Variants in AGBL4 observed in about 807,000 individuals in gnomAD.
The protein encoded by AGBL4 is AGBL carboxypeptidase 4.
AGBL4 carries 58 observed loss-of-function variants against 66.4 expected under a neutral mutation model. That is an observed-to-expected ratio of 0.87 (90% CI 0.71 to 1.09). The LOEUF is 1.09. Among genes scored for constraint, AGBL4 ranks in the 50% least tolerant of loss-of-function variants. The pLI is 0.00. For synonymous variants in AGBL4, 234 were observed against 222.9 expected, an observed-to-expected ratio of 1.05 and a Z score of -0.44; for missense variants, 579 against 631.0, an observed-to-expected ratio of 0.92 and a Z score of 0.88.
intron 13 of AGBL4, 144 bp downstream of exon 13, chr1:48,534,746 C>T: frequency 1.2e-6 from 1 of 811,192 alleles, no homozygotes; most frequent in Non-Finnish European, 2.0e-6. Flanking sequence ...CCCCCTCCAC[C>T]AGGAAGCCTC....
intron 6 of AGBL4, among the ~76,000 whole-genome samples, chr1:48,785,342 G>C (rs1012783707): frequency 2.0e-5 from 3 of 152,134 alleles, no homozygotes; most frequent in Non-Finnish European, 4.4e-5. Context: ...GACACTTGTT[G>C]AATGAGTGCA....
In AGBL4 at chr1:49,920,379, G is replaced by C. The variant is rs7410820; in HGVS notation, c.35-68861C>G. On this transcript the variant is annotated intron_variant, in intron 1 of 13. Transcript: ENST00000371839. ...AATATCCAGAATCTATAAAGAACTC[G>C]AACAAATTTACAAGAAAAGAAATAA... Among the ~76,000 whole-genome samples, 4 of 151,948 alleles carry C rather than the reference G, an allele frequency of 2.6e-5. 1 individual carries two copies. Among genetic ancestry groups the C allele is most frequent in the Admixed American group, 1.3e-4 (2 of 15,260 alleles).
intron 1 of AGBL4, chr1:49,995,353 T>C (rs1465726078): frequency 2.2e-6 from 1 of 449,568 alleles, no homozygotes; most frequent in Non-Finnish European, 4.5e-6. Context: ...GCGTTGGAGC[T>C]GGATGAGGCC....
At chr1:49,502,998 G>A (rs545190565) in intron 3 of AGBL4, among the ~76,000 whole-genome samples, 92 of 152,220 alleles carry the variant, frequency 6.0e-4, no homozygotes, top group African/African-American at 2.2e-3. Flanking sequence ...TGGGAAAAAT[G>A]CTTCCAGGGC....
intron 6 of AGBL4, among the ~76,000 whole-genome samples, chr1:48,822,158 T>C (rs905482992): frequency 5.3e-5 from 8 of 152,192 alleles, no homozygotes; most frequent in African/African-American, 9.6e-5. Flanking sequence ...TCTTATATAA[T>C]TGATTCTGCA....
intron 6 of AGBL4, among the ~76,000 whole-genome samples, chr1:48,763,569 A>G (rs1644384624): frequency 6.6e-6 from 1 of 152,112 alleles, no homozygotes; most frequent in African/African-American, 2.4e-5. Flanking sequence ...GTGTTGGGGC[A>G]AAGCTCCTGG....
chr1:49,552,858 G>C (rs1304024789), intron 3 of AGBL4, among the ~76,000 whole-genome samples: 1 of 152,074 alleles, frequency 6.6e-6, no homozygotes, highest in Non-Finnish European at 1.5e-5. Flanking sequence ...TATACTCCTT[G>C]TTAATAAACC....
At chr1:49,708,158 G>C (rs1053305744) in intron 2 of AGBL4, among the ~76,000 whole-genome samples, 1 of 152,002 alleles carries the variant, frequency 6.6e-6, no homozygotes, top group African/African-American at 2.4e-5. Context: ...TTCCAACTTG[G>C]TTCCATTCTC....
chr1:48,820,994 A>G (rs183737640), intron 6 of AGBL4, among the ~76,000 whole-genome samples: 1 of 152,322 alleles, frequency 6.6e-6, no homozygotes, highest in African/African-American at 2.4e-5. Context: ...CAATAAACAT[A>G]TGAAAAAATG....
At chr1:48,762,656 G>GTGTATGTA (rs1553227963) in intron 6 of AGBL4, among the ~76,000 whole-genome samples, 7 of 138,738 alleles carry the variant, frequency 5.0e-5, no homozygotes, top group Non-Finnish European at 9.5e-5. Flanking sequence ...GTGTGTGTGT[G>GTGTATGTA]TGTATGTATT....
chr1:49,242,147 G>T (rs2148321985), intron 4 of AGBL4, among the ~76,000 whole-genome samples: 1 of 151,708 alleles, frequency 6.6e-6, no homozygotes. Context: ...GTTTATTTTT[G>T]TGTTTCATTC....
intron 2 of AGBL4, among the ~76,000 whole-genome samples, chr1:49,806,203 C>A (rs1464563986): frequency 1.3e-5 from 2 of 152,062 alleles, no homozygotes; most frequent in African/African-American, 4.8e-5. Flanking sequence ...TGTAAGTGGT[C>A]ATGATCAGAA....
At chr1:48,555,888 A>G (rs1470678445) in intron 11 of AGBL4, among the ~76,000 whole-genome samples, 1 of 152,210 alleles carries the variant, frequency 6.6e-6, no homozygotes, top group East Asian at 1.9e-4. Flanking sequence ...AAAAGCATCA[A>G]GAATAGCACA....
chr1:48,695,924 C>G (rs1646707100), intron 6 of AGBL4, among the ~76,000 whole-genome samples: 2 of 152,036 alleles, frequency 1.3e-5, no homozygotes, highest in African/African-American at 4.8e-5. Flanking sequence ...GTGGACTCCA[C>G]TTGACCCACT....
At chr1:49,870,892 T>TTA (rs1250661892) in intron 1 of AGBL4, among the ~76,000 whole-genome samples, 1 of 152,124 alleles carries the variant, frequency 6.6e-6, no homozygotes, top group East Asian at 1.9e-4. Flanking sequence ...CCTTTGTGCA[T>TTA]TATTGATGAA....
chr1:49,507,848 C>T (rs1458296336), intron 3 of AGBL4, among the ~76,000 whole-genome samples: 3 of 151,644 alleles, frequency 2.0e-5, no homozygotes, highest in Non-Finnish European at 4.4e-5. Context: ...ATATGATTTT[C>T]AGAGTGGTCC....
At chr1:49,759,209 G>A (rs980338229) in intron 2 of AGBL4, among the ~76,000 whole-genome samples, 3 of 152,114 alleles carry the variant, frequency 2.0e-5, no homozygotes, top group Non-Finnish European at 2.9e-5. Flanking sequence ...ATTCTTCACA[G>A]TAGTGTGAAA....
intron 3 of AGBL4, among the ~76,000 whole-genome samples, chr1:49,401,321 A>T (rs1329474488): frequency 6.6e-6 from 1 of 152,276 alleles, no homozygotes; most frequent in East Asian, 1.9e-4. Flanking sequence ...CTGTGATTCA[A>T]TTGTCTCCAC....
intron 1 of AGBL4, among the ~76,000 whole-genome samples, chr1:49,908,053 A>G (rs1650448809): frequency 6.6e-6 from 1 of 152,200 alleles, no homozygotes; most frequent in South Asian, 2.1e-4. Flanking sequence ...TTAGTAGTGC[A>G]GCTGAGATAA....
Sources: allele counts gnomAD v4.1 joint callset (sites outside exome capture counted in the v4.1 genomes callset), GRCh38; gene constraint gnomAD v4.1.1; transcripts MANE v1.5; gene names NCBI Gene and HGNC (gene_info 2026-07-23, HGNC 2026-07-21).